The following CNTNAP2 variants were observed in gnomAD, a reference collection of about 807,000 sequenced individuals.
CNTNAP2 encodes contactin associated protein 2, also known as contactin-associated protein-like 2.
A neutral mutation model predicts 155.2 loss-of-function variants in CNTNAP2; 98 were observed. The observed-to-expected ratio is 0.63, with a 90% CI of 0.54 to 0.75. CNTNAP2 has a LOEUF of 0.75. CNTNAP2 is among the 30% of genes least tolerant of loss of function. The pLI is 0.00. For synonymous variants in CNTNAP2, 651 were observed against 631.2 expected, an observed-to-expected ratio of 1.03 and a Z score of -0.47; for missense variants, 1,727 against 1,688.1, an observed-to-expected ratio of 1.02 and a Z score of -0.40.
chr7:146,308,142 A>T (rs2129089920), intron 1 of CNTNAP2, among the ~76,000 whole-genome samples: 1 of 152,338 alleles, frequency 6.6e-6, no homozygotes, highest in East Asian at 1.9e-4. Context: ...AAAAAATCAA[A>T]CAACCCCATC....
At chr7:147,710,112 A>G (rs1166633433) in intron 13 of CNTNAP2, among the ~76,000 whole-genome samples, 1 of 152,150 alleles carries the variant, frequency 6.6e-6, no homozygotes, top group Non-Finnish European at 1.5e-5. Context: ...CTGGCATCCT[A>G]CAAAACACAC....
At chr7:147,306,703 G>T (rs1795034245) in intron 9 of CNTNAP2, among the ~76,000 whole-genome samples, 1 of 152,184 alleles carries the variant, frequency 6.6e-6, no homozygotes, top group Admixed American at 6.5e-5. Context: ...AAGACTTGGG[G>T]TTAGCAACCC....
intron 18 of CNTNAP2, among the ~76,000 whole-genome samples, chr7:148,178,996 C>T (rs907989059): frequency 1.3e-5 from 2 of 152,164 alleles, no homozygotes; most frequent in African/African-American, 4.8e-5. Context: ...GTCATTTCTA[C>T]TTAATTTTGG....
chr7:148,408,255 GC>G lies in CNTNAP2; in HGVS notation c.3716-1131del, dbSNP rs559871357. On this transcript the variant is annotated intron_variant, in intron 22 of 23. Transcript: ENST00000361727. ...CAGAGTGAGACCCTTTCCCCACACT[GC>G]CCCCGCCCCACACACACACAAAAAA... 2.0e-3 allele frequency among the ~76,000 whole-genome samples: 307 copies of G among 151,586 alleles called. 2 individuals carry two copies. The highest frequency in any genetic ancestry group is 7.0e-3 in the African/African-American group (287 of 41,286).
intron 16 of CNTNAP2, among the ~76,000 whole-genome samples, chr7:148,144,851 C>T (rs892064171): frequency 6.6e-6 from 1 of 152,154 alleles, no homozygotes; most frequent in African/African-American, 2.4e-5. Flanking sequence ...TTTATGCTGT[C>T]TCCCTTTTAT....
chr7:146,861,508 T>C (rs1182755883), intron 3 of CNTNAP2, among the ~76,000 whole-genome samples: 1 of 152,156 alleles, frequency 6.6e-6, no homozygotes, highest in Non-Finnish European at 1.5e-5. Context: ...TGCATCATAA[T>C]TTCTATTAAT....
intron 10 of CNTNAP2, among the ~76,000 whole-genome samples, chr7:147,429,565 T>G (rs1345425700): frequency 6.6e-6 from 1 of 152,156 alleles, no homozygotes; most frequent in Non-Finnish European, 1.5e-5. Flanking sequence ...AGCTTTTTAG[T>G]TTAATTAGAT....
At chr7:147,079,383 C>T (rs567818993) in intron 4 of CNTNAP2, among the ~76,000 whole-genome samples, 2 of 151,994 alleles carry the variant, frequency 1.3e-5, no homozygotes, top group Middle Eastern at 3.2e-3. Context: ...GTTAGTGGGA[C>T]ATGCAGTTTG....
chr7:146,736,060 T>TA (rs374509674), intron 1 of CNTNAP2, among the ~76,000 whole-genome samples: 6 of 151,952 alleles, frequency 3.9e-5, no homozygotes, highest in Admixed American at 1.3e-4. Flanking sequence ...CAAGCCAAAA[T>TA]AAAAAAACCA....
In CNTNAP2 at chr7:146,162,383, G is replaced by A. The variant is rs186350145; in HGVS notation, c.97+45410G>A. The stretch of plus-strand genomic sequence containing the variant: ...ACACTTCTCAAAAGAAGACGTTTAT[G>A]CAGCCAACAGACACATGAAAAAATG... On this transcript the variant is annotated intron_variant, in intron 1 of 23. Transcript: ENST00000361727. Among the ~76,000 whole-genome samples, 57 of 152,320 alleles carry A rather than the reference G, an allele frequency of 3.7e-4. 1 individual carries two copies. The highest frequency in any genetic ancestry group is 6.6e-4 in the Non-Finnish European group (45 of 68,032).
At chr7:147,482,472 A>C (rs1798437589) in intron 10 of CNTNAP2, among the ~76,000 whole-genome samples, 1 of 152,012 alleles carries the variant, frequency 6.6e-6, no homozygotes, top group East Asian at 1.9e-4. Context: ...TAATCCCAGC[A>C]CTTTGGGAGT....
intron 1 of CNTNAP2, among the ~76,000 whole-genome samples, chr7:146,201,646 G>GTT (rs1798864795): frequency 7.4e-6 from 1 of 134,562 alleles, no homozygotes; most frequent in African/African-American, 3.1e-5. Flanking sequence ...ACGAGTGTGT[G>GTT]TGTGTGTGTG....
intron 1 of CNTNAP2, among the ~76,000 whole-genome samples, chr7:146,302,850 A>C (rs1800635185): frequency 6.6e-6 from 1 of 152,284 alleles, no homozygotes; most frequent in Middle Eastern, 3.4e-3. Flanking sequence ...ATCTCTGGAG[A>C]CATATTTGTT....
intron 15 of CNTNAP2, among the ~76,000 whole-genome samples, chr7:148,068,656 G>A (rs1202198807): frequency 6.6e-6 from 1 of 152,170 alleles, no homozygotes; most frequent in Non-Finnish European, 1.5e-5. Context: ...GACCAGCACA[G>A]CCCTTTTCTA....
At chr7:147,179,343 G>T (rs1327308806) in intron 8 of CNTNAP2, among the ~76,000 whole-genome samples, 4 of 152,148 alleles carry the variant, frequency 2.6e-5, no homozygotes, top group African/African-American at 9.7e-5. Flanking sequence ...AGTGGTTAGG[G>T]AAGTCCTCTC....
chr7:147,378,027 A>G lies in CNTNAP2; in HGVS notation c.1499-17582A>G, dbSNP rs984003089. The G allele has an allele frequency of 8.5e-6, 4 of 468,258 alleles. No individual in the cohort carries two copies. In the East Asian group the frequency reaches 2.1e-4, roughly 24 times the overall value. 29.0% of individuals were successfully genotyped at this position (468,258 alleles called of 1,614,324 possible). Reference sequence around the variant, plus strand: ...TCCCTTTTCTCTCCTCTGAAATTCTATTAATATTGTTCCAAAAGTAATTAC... The same window carrying G: ...TCCCTTTTCTCTCCTCTGAAATTCTGTTAATATTGTTCCAAAAGTAATTAC... On this transcript the variant is annotated intron_variant, in intron 9 of 23. Coordinates refer to ENST00000361727, the MANE Select transcript of CNTNAP2 (RefSeq NM_014141.6).
chr7:147,889,120 G>A (rs1209652950), intron 13 of CNTNAP2, among the ~76,000 whole-genome samples: 1 of 151,634 alleles, frequency 6.6e-6, no homozygotes, highest in Non-Finnish European at 1.5e-5. Flanking sequence ...AACTTTCTAG[G>A]GTATCTACTA....
chr7:146,560,524 G>T (rs1205281915), intron 1 of CNTNAP2, among the ~76,000 whole-genome samples: 1 of 151,784 alleles, frequency 6.6e-6, no homozygotes, highest in African/African-American at 2.4e-5. Flanking sequence ...TTTCATACAT[G>T]GCTAATTATT....
intron 15 of CNTNAP2, among the ~76,000 whole-genome samples, chr7:148,075,223 CGTT>C (rs1449077791): frequency 6.6e-6 from 1 of 151,978 alleles, no homozygotes; most frequent in Non-Finnish European, 1.5e-5. Context: ...GATCACCTGA[CGTT>C]AGGAGTTCAA....
Sources: allele counts gnomAD v4.1 joint callset (sites outside exome capture counted in the v4.1 genomes callset), GRCh38; gene constraint gnomAD v4.1.1; transcripts MANE v1.5; gene names NCBI Gene and HGNC (gene_info 2026-07-23, HGNC 2026-07-21).